The following ADAMTSL1 variants were observed in gnomAD, a reference collection of about 807,000 sequenced individuals.
ADAMTSL1 encodes the protein ADAMTS like 1.
A neutral mutation model predicts 201.8 loss-of-function variants in ADAMTSL1; 126 were observed. That is an observed-to-expected ratio of 0.62 (90% CI 0.54 to 0.72). The LOEUF is 0.72. ADAMTSL1 is among the 30% of genes least tolerant of loss of function. ADAMTSL1 has a pLI of 0.00. For synonymous variants in ADAMTSL1, 1,121 were observed against 903.4 expected (o/e 1.24, Z -4.32); for missense variants, 2,679 against 2,277.8 (o/e 1.18, Z -3.59).
intron 1 of ADAMTSL1, among the ~76,000 whole-genome samples, chr9:17,945,672 T>G (rs1171786710): frequency 6.6e-6 from 1 of 152,148 alleles, no homozygotes; most frequent in East Asian, 1.9e-4. Context: ...TGTAGGGACA[T>G]GGATGAGATT....
intron 4 of ADAMTSL1, among the ~76,000 whole-genome samples, chr9:18,592,952 C>G (rs942877116): frequency 2.0e-5 from 3 of 151,868 alleles, no homozygotes; most frequent in Non-Finnish European, 4.4e-5. Context: ...TGGTTAATAC[C>G]TAGGTATTTT....
At chr9:18,861,632 T>C (rs1490320256) in intron 23 of ADAMTSL1, among the ~76,000 whole-genome samples, 2 of 152,218 alleles carry the variant, frequency 1.3e-5, no homozygotes, top group Non-Finnish European at 2.9e-5. Flanking sequence ...CAGATGCCCA[T>C]CACACTGATG....
At chr9:18,142,843 G>C (rs534393835) in intron 1 of ADAMTSL1, among the ~76,000 whole-genome samples, 6 of 152,266 alleles carry the variant, frequency 3.9e-5, no homozygotes, top group Middle Eastern at 6.8e-3. Flanking sequence ...AATGAGGCAG[G>C]GATAGAGTTC....
intron 15 of ADAMTSL1, among the ~76,000 whole-genome samples, chr9:18,732,340 G>C (rs1818262709): frequency 6.6e-6 from 1 of 152,198 alleles, no homozygotes; most frequent in Non-Finnish European, 1.5e-5. Flanking sequence ...TTAGACAACA[G>C]GAAGCAGGGC....
intron 2 of ADAMTSL1, among the ~76,000 whole-genome samples, chr9:18,386,246 G>A (rs1424647685): frequency 6.6e-6 from 1 of 152,180 alleles, no homozygotes; most frequent in East Asian, 1.9e-4. Flanking sequence ...ATGATCACTG[G>A]TTTACCATTT....
intron 2 of ADAMTSL1, among the ~76,000 whole-genome samples, chr9:18,188,287 C>T (rs1587267344): frequency 6.6e-6 from 1 of 152,086 alleles, no homozygotes; most frequent in Non-Finnish European, 1.5e-5. Context: ...CCCTACACAC[C>T]GGCAGTCTTT....
At chr9:18,366,677 T>G (rs1836784129) in intron 2 of ADAMTSL1, among the ~76,000 whole-genome samples, 2 of 121,066 alleles carry the variant, frequency 1.7e-5, no homozygotes, top group Non-Finnish European at 3.2e-5. Flanking sequence ...TAAGACAGAG[T>G]CTCAGTCTGT....
intron 2 of ADAMTSL1, among the ~76,000 whole-genome samples, chr9:18,330,773 C>T (rs1191921000): frequency 1.3e-5 from 2 of 152,154 alleles, no homozygotes; most frequent in African/African-American, 4.8e-5. Flanking sequence ...TAAGATATGG[C>T]ACTAAGCAAA....
chr9:18,865,151 T>G, intron 23 of ADAMTSL1, among the ~76,000 whole-genome samples: 1 of 152,174 alleles, frequency 6.6e-6, no homozygotes, highest in South Asian at 2.1e-4. Context: ...TAACTCGTCA[T>G]TTAACATTAG....
chr9:18,813,821 T>C (rs1823663737), intron 20 of ADAMTSL1, among the ~76,000 whole-genome samples: 1 of 152,218 alleles, frequency 6.6e-6, no homozygotes. Context: ...CTTAACTAAT[T>C]GGTTTGGCTA....
intron 19 of ADAMTSL1, among the ~76,000 whole-genome samples, chr9:18,792,346 A>G (rs2133826579): frequency 6.6e-6 from 1 of 152,330 alleles, no homozygotes; most frequent in East Asian, 1.9e-4. Context: ...AAGTTGGTAA[A>G]CTGAAATAGA....
intron 2 of ADAMTSL1, among the ~76,000 whole-genome samples, chr9:18,365,525 T>G (rs1403625646): frequency 6.6e-6 from 1 of 152,122 alleles, no homozygotes; most frequent in African/African-American, 2.4e-5. Context: ...CAGACTGTCA[T>G]GCACATCATA....
chr9:18,902,503 TAAATCAGTCAGAAAAGAAATAACAAGG>T (rs148273880), intron 26 of ADAMTSL1, among the ~76,000 whole-genome samples: 49,996 of 151,648 alleles, frequency 0.33, 8,698 homozygotes, highest in South Asian at 0.4. Context: ...ACACAAACAG[TAAATCAGTCAGAAAAGAAATAACAAGG>T]AAAATTAGAA....
At position 18,662,008 on chromosome 9, in the gene ADAMTSL1, T is replaced by C; in HGVS notation, c.1020T>C (p.Tyr340=). The change falls in exon 9 of 29, where the codon TAT becomes TAC. Residue 340 remains tyrosine, a synonymous_variant. Coordinates refer to ENST00000380548, the MANE Select transcript of ADAMTSL1 (RefSeq NM_001040272.6). ...NRVVADQYCH[Y]YPENIKPKPK... is the part of the protein sequence containing the mutation. ...TGGTTGCTGACCAATACTGTCACTA[T>C]TACCCAGAGAACATCAAACCCAAAC... is the stretch of plus-strand genomic sequence containing the variant. 6.2e-7 allele frequency: 1 copy of C among 1,614,124 alleles called. No individual in the cohort carries two copies. The highest frequency in any genetic ancestry group is 8.5e-7 in the Non-Finnish European group (1 of 1,179,966).
At chr9:18,689,434 A>T (rs1257399715) in intron 13 of ADAMTSL1, among the ~76,000 whole-genome samples, 2 of 152,064 alleles carry the variant, frequency 1.3e-5, no homozygotes, top group African/African-American at 4.8e-5. Context: ...CAGGAAGGAA[A>T]TTGTTCATTT....
chr9:18,554,630 G>A (rs1316092662), intron 3 of ADAMTSL1, among the ~76,000 whole-genome samples: 1 of 150,690 alleles, frequency 6.6e-6, no homozygotes, highest in African/African-American at 2.4e-5. Flanking sequence ...CCTGAGATAA[G>A]CAAGTTTTCC....
At chr9:18,536,556 T>G (rs965402195) in intron 3 of ADAMTSL1, among the ~76,000 whole-genome samples, 2 of 152,130 alleles carry the variant, frequency 1.3e-5, no homozygotes, top group Non-Finnish European at 2.9e-5. Context: ...AATGTTTGCA[T>G]AGTTCTCATA....
At chr9:18,194,708 C>T (rs1051931427) in intron 2 of ADAMTSL1, among the ~76,000 whole-genome samples, 1 of 152,034 alleles carries the variant, frequency 6.6e-6, no homozygotes, top group African/African-American at 2.4e-5. Context: ...TTTGTAGAAC[C>T]CCAGTGCTGG....
At chr9:18,209,667 A>T (rs1248510436) in intron 2 of ADAMTSL1, among the ~76,000 whole-genome samples, 1 of 152,170 alleles carries the variant, frequency 6.6e-6, no homozygotes, top group Non-Finnish European at 1.5e-5. Context: ...TTGCTGATTT[A>T]CTTTTTCTGA....
Sources: allele counts gnomAD v4.1 joint callset (sites outside exome capture counted in the v4.1 genomes callset), GRCh38; gene constraint gnomAD v4.1.1; transcripts MANE v1.5; gene names NCBI Gene and HGNC (gene_info 2026-07-23, HGNC 2026-07-21).